The following NSMAF variants were observed in gnomAD, a reference collection of about 807,000 sequenced individuals.
The protein encoded by NSMAF is neutral sphingomyelinase activation associated factor.
Under a neutral mutation model 134.9 loss-of-function variants are expected in NSMAF, and 90 were observed. The ratio of observed to expected loss-of-function variants is 0.67; its 90% CI spans 0.56 to 0.79. NSMAF has a LOEUF of 0.79. Ranked by LOEUF, NSMAF falls within the 30% of genes least tolerant of loss-of-function variation. NSMAF has a pLI of 0.00. For synonymous variants in NSMAF, 358 were observed against 389.6 expected (o/e 0.92, Z 0.96); for missense variants, 1,010 against 1,119.0 (o/e 0.90, Z 1.39).
chr8:58,654,888 G>T (rs1289119232), intron 1 of NSMAF, among the ~76,000 whole-genome samples: 1 of 152,092 alleles, frequency 6.6e-6, no homozygotes, highest in African/African-American at 2.4e-5. Flanking sequence ...AGGCTGGAGT[G>T]CAATGGCACA....
rs191099644 is a variant in NSMAF at position 58,640,039 on chromosome 8, G to A, written c.149+2945C>T. 2,799 of 455,100 alleles carry A rather than the reference G, an allele frequency of 6.2e-3. 18 individuals are homozygous for A. Among genetic ancestry groups the A allele is most frequent in the Non-Finnish European group, 8.0e-3 (1,822 of 226,470 alleles). 28.2% of individuals were successfully genotyped at this position (455,100 alleles called of 1,614,324 possible). A position where few individuals can be genotyped will look rare whatever the true frequency, so the allele number is the denominator to read the frequency against. ...TAAGTTAAACTTCACGAAATTAAAG[G>A]GGGTGGAAGAAATGGGGAGATGCTG... is the stretch of plus-strand genomic sequence containing the variant. On this transcript the variant is annotated intron_variant, in intron 2 of 30. Transcript: ENST00000038176.
At chr8:58,623,045 G>T (rs1484078278) in intron 9 of NSMAF, among the ~76,000 whole-genome samples, 175 bp downstream of exon 9, 1 of 152,152 alleles carries the variant, frequency 6.6e-6, no homozygotes, top group Non-Finnish European at 1.5e-5. Context: ...CATCAGGATG[G>T]AGAAGAGTTG....
At chr8:58,627,821 A>T (rs768887946) in intron 6 of NSMAF, among the ~76,000 whole-genome samples, 29 of 152,178 alleles carry the variant, frequency 1.9e-4, no homozygotes, top group Non-Finnish European at 3.5e-4. Context: ...TGCAGTTCTT[A>T]TCAAGATACC....
chr8:58,592,048 G>T (rs1388345159), intron 23 of NSMAF, among the ~76,000 whole-genome samples: 1 of 152,154 alleles, frequency 6.6e-6, no homozygotes, highest in Non-Finnish European at 1.5e-5. Flanking sequence ...AACGAAAACA[G>T]AAGAATGAAC....
Position 58,635,461 on chromosome 8 carries a change from T to C in NSMAF, c.228+7A>G, listed in dbSNP as rs1306733385. The C allele has an allele frequency of 6.3e-7, 1 of 1,594,572 alleles. No homozygotes were observed. Among genetic ancestry groups the C allele is most frequent in the Admixed American group, 1.8e-5 (1 of 56,684 alleles). On this transcript the variant is annotated splice_region_variant and intron_variant, in intron 3 of 30. Transcript: ENST00000038176. ...AATGTTTCTGTTCATATTTAAAATG[T>C]ATTTACCTTGATGATGGGCTGGGAT...
rs149650758 is a variant in NSMAF at position 58,585,987 on chromosome 8, G to T, written c.2460C>A (p.Val820=). ...GACAGCCATCTGTTCCTGTGCTGAG[G>T]ACATGGCGACTATCTGCAACACAAG... The part of the protein sequence containing the change: ...DTAFSPDSRH[V]LSTGTDGCLN... Residue 820 remains valine (V), a synonymous_variant, in exon 29 of 31, where the codon GTC becomes GTA. Coordinates refer to ENST00000038176, the MANE Select transcript of NSMAF (RefSeq NM_003580.4). 1.2e-6 allele frequency: 2 copies of T among 1,613,406 alleles called. No homozygotes were observed. The highest frequency in any genetic ancestry group is 2.7e-5 in the African/African-American group (2 of 74,898).
intron 5 of NSMAF, among the ~76,000 whole-genome samples, chr8:58,634,817 T>A (rs1210607292): frequency 6.6e-6 from 1 of 152,114 alleles, no homozygotes; most frequent in African/African-American, 2.4e-5. Flanking sequence ...AGACCACCAA[T>A]CCCAAGTCAT....
chr8:58,631,673 G>GTATT (rs1807061212), intron 5 of NSMAF, 127 bp from the exon 6 acceptor site: 1 of 518,052 alleles, frequency 1.9e-6, no homozygotes. Flanking sequence ...ATTTCCAGAA[G>GTATT]TATTTGCTTT....
At chr8:58,592,104 T>C (rs1806034295) in intron 23 of NSMAF, among the ~76,000 whole-genome samples, 1 of 152,196 alleles carries the variant, frequency 6.6e-6, no homozygotes. Flanking sequence ...TTAGATCTGA[T>C]AGTCTTCCCA....
At chr8:58,600,324 C>A (rs552188258) in intron 16 of NSMAF, 19 of 335,408 alleles carry the variant, frequency 5.7e-5, no homozygotes, top group African/African-American at 3.8e-4. Context: ...TGCCTCCACA[C>A]TGAAAGATTA....
intron 12 of NSMAF, among the ~76,000 whole-genome samples, chr8:58,604,466 C>T (rs1304258809): frequency 1.3e-5 from 2 of 150,676 alleles, no homozygotes; most frequent in Non-Finnish European, 3.0e-5. Flanking sequence ...TATACTTATA[C>T]ATAAAGTTAC....
In NSMAF at chr8:58,594,258, C is replaced by A. The variant is rs1025486240; in HGVS notation, c.1925G>T (p.Gly642Val). ...AVTGITVSRNGSSVFTTSQDS... is the reference protein window; with the variant it reads ...AVTGITVSRNVSSVFTTSQDS... ...TTGGGATGTTGTGAATACTGAAGAT[C>A]CATTGCGAGAGACCGTGATTCCAGT... Residue 642 changes from glycine (G) to valine (V), a missense_variant, in exon 23 of 31, where the codon GGA becomes GTA. Physicochemically the swap from Gly to Val is moderately radical, Grantham distance 109 (BLOSUM62 -3). Transcript: ENST00000038176. The A allele has an allele frequency of 1.9e-6, 3 of 1,614,044 alleles. No homozygotes were observed. The highest frequency in any genetic ancestry group is 1.7e-5 in the Admixed American group (1 of 60,002).
In NSMAF at chr8:58,594,229, G is replaced by A. The variant is rs1806081691; in HGVS notation, c.1951+3C>T. 6.2e-7 allele frequency: 1 copy of A among 1,613,696 alleles called. No homozygotes were observed. ...AAGCCGCCTTTCGGGGAGGAACACTGACCTTGGGATGTTGTGAATACTGAA... is the reference window on the plus strand; with the variant it reads ...AAGCCGCCTTTCGGGGAGGAACACTAACCTTGGGATGTTGTGAATACTGAA... On this transcript the variant is annotated splice_donor_region_variant and intron_variant, in intron 23 of 30. Transcript: ENST00000038176.
chr8:58,603,167 A>G, intron 13 of NSMAF, 43 bp downstream of exon 13: 2 of 1,555,916 alleles, frequency 1.3e-6, no homozygotes, highest in Non-Finnish European at 1.8e-6. Flanking sequence ...ACAGATGACT[A>G]CTCCCCACTC....
At chr8:58,635,150 T>C (rs770683563) in intron 5 of NSMAF, 39 bp downstream of exon 5, 7 of 1,475,238 alleles carry the variant, frequency 4.7e-6, no homozygotes, top group Admixed American at 1.7e-5. Flanking sequence ...TATAAGAATG[T>C]TCATTCAGAT....
intron 21 of NSMAF, among the ~76,000 whole-genome samples, chr8:58,596,169 C>G (rs770317908): frequency 5.3e-5 from 8 of 152,204 alleles, no homozygotes; most frequent in African/African-American, 2.4e-5. Context: ...GGTGACTAAG[C>G]AGAGTGCAGT....
chr8:58,586,216 CTTAAA>C (rs1316879367), intron 28 of NSMAF: 20 of 622,922 alleles, frequency 3.2e-5, no homozygotes, highest in South Asian at 2.6e-4. Context: ...TCATTTTTAT[CTTAAA>C]TTAATTTCTC....
intron 28 of NSMAF, chr8:58,586,242 T>G (rs879699932): frequency 1.6e-6 from 1 of 620,456 alleles, no homozygotes; most frequent in Admixed American, 2.9e-5. Context: ...TAATGAGGAA[T>G]TAAAAATACC....
At chr8:58,590,750 T>A (rs1806002813) in intron 24 of NSMAF, 117 bp downstream of exon 24, 2 of 1,118,416 alleles carry the variant, frequency 1.8e-6, no homozygotes, top group East Asian at 3.2e-5. Flanking sequence ...ATCTGGTAGA[T>A]TTACTACACA....
Sources: allele counts gnomAD v4.1 joint callset (sites outside exome capture counted in the v4.1 genomes callset), GRCh38; gene constraint gnomAD v4.1.1; transcripts MANE v1.5; gene names NCBI Gene and HGNC (gene_info 2026-07-23, HGNC 2026-07-21).